The following FAM83F variants were observed in gnomAD, a reference collection of about 807,000 sequenced individuals.
FAM83F encodes the protein protein FAM83F.
Under a neutral mutation model 42.9 loss-of-function variants are expected in FAM83F, and 45 were observed. That is an observed-to-expected ratio of 1.05 (90% confidence interval 0.83 to 1.35). The LOEUF (loss-of-function observed/expected upper bound fraction) is 1.35. FAM83F is among the 40% of genes most tolerant of loss of function. The pLI is 0.00. For synonymous variants in FAM83F, 306 were observed against 298.3 expected, an observed-to-expected ratio of 1.03 and a Z score of -0.27; for missense variants, 617 against 695.9, an observed-to-expected ratio of 0.89 and a Z score of 1.28.
chr22:40,021,295 C>T lies in FAM83F; in HGVS notation c.785C>T (p.Thr262Ile). 1.3e-6 allele frequency: 2 copies of T among 1,540,170 alleles called. No individual in the cohort carries two copies. The highest frequency in any genetic ancestry group is 1.8e-6 in the Non-Finnish European group (2 of 1,137,932). Residue 262 changes from threonine (T) to isoleucine (I), a missense_variant, in exon 4 of 5, where the codon ACC (threonine) becomes ATC (isoleucine). Thr to Ile is a moderately conservative substitution (Grantham distance 89). Transcript: ENST00000333407. This position sits in a 1 kb window ranked among gnomAD's most constrained non-coding sequence, Gnocchi z 8.7. Reference sequence around the variant, plus strand: ...TTCTGTCCCCACGTTCCCAGGTTCACCTGGAGTTCCTCCCATGTGGACAGA... The same window carrying T: ...TTCTGTCCCCACGTTCCCAGGTTCATCTGGAGTTCCTCCCATGTGGACAGA... ...DKVATGSYRF[T>I]WSSSHVDRNL...
rs1569235034 is a variant in FAM83F at position 40,021,727 on chromosome 22, A to G, written c.1217A>G (p.His406Arg). 3 of 1,612,960 alleles carry G rather than the reference A, an allele frequency of 1.9e-6. No individual in the cohort carries two copies. Among genetic ancestry groups the G allele is most frequent in the South Asian group, 1.1e-5 (1 of 91,076 alleles). The change falls in exon 4 of 5, where the codon CAC (histidine) becomes CGC (arginine). Residue 406 changes from histidine to arginine, a missense_variant. Coordinates refer to ENST00000333407, the MANE Select transcript of FAM83F (RefSeq NM_138435.4). This position sits in a 1 kb window ranked among gnomAD's most constrained non-coding sequence, Gnocchi z 8.7. The stretch of plus-strand genomic sequence containing the variant: ...CAGAAGGATGGCAGGATGGTCTCTC[A>G]CATGCACAGAGACCTGAAGCCCAAA... ...LSQKDGRMVS[H>R]MHRDLKPKSR...
intron 1 of FAM83F, among the ~76,000 whole-genome samples, chr22:40,008,448 A>C (rs970856254): frequency 3.9e-5 from 6 of 152,340 alleles, no homozygotes; most frequent in African/African-American, 1.4e-4. Flanking sequence ...TTTAAAGCTC[A>C]GAACAGCCCT....
chr22:39,997,804 C>G (rs1427271138), intron 1 of FAM83F: 1 of 152,230 alleles, frequency 6.6e-6, no homozygotes, highest in Non-Finnish European at 1.5e-5. Flanking sequence ...CAACCACCCC[C>G]AAGGAAGCAA....
At chr22:40,004,074 C>G (rs984600977) in intron 1 of FAM83F, among the ~76,000 whole-genome samples, 1 of 151,932 alleles carries the variant, frequency 6.6e-6, no homozygotes, top group African/African-American at 2.4e-5. Flanking sequence ...CTCATTCACT[C>G]ACCATGTTTC....
At chr22:40,007,552 CCTCCTCTCCTCTCCTCCTCCT>C (rs2067441272) in intron 1 of FAM83F, among the ~76,000 whole-genome samples, 1 of 12,614 alleles carries the variant, frequency 7.9e-5, no homozygotes, top group Admixed American at 1.3e-3. Flanking sequence ...CTCCTCTCCT[CCTCCTCTCCTCTCCTCCTCCT>C]CTCCTCTCCT....
intron 1 of FAM83F, among the ~76,000 whole-genome samples, chr22:40,002,680 CCT>C (rs1249842351): frequency 6.6e-6 from 1 of 152,132 alleles, no homozygotes; most frequent in Non-Finnish European, 1.5e-5. Flanking sequence ...CTTTGCTGGG[CCT>C]CTGTTTCTGC....
rs914764265 is a variant in FAM83F, at chr22:40,021,133, C to T, written c.780-157C>T. ...CCAAGCTCTGGGGAAAGGGAGGCTA[C>T]GGGTGGGTGGAGGGAATCAGTCCAG... On this transcript the variant is annotated intron_variant, in intron 3 of 4. Coordinates refer to ENST00000333407, the MANE Select transcript of FAM83F (RefSeq NM_138435.4). The surrounding 1 kb of genome is among the most constrained non-coding windows in gnomAD (Gnocchi z 8.7). Among the ~76,000 whole-genome samples the T allele has an allele frequency of 1.9e-4, 29 of 152,146 alleles. No individual in the cohort carries two copies. The highest frequency in any genetic ancestry group is 1.5e-3 in the Admixed American group (23 of 15,274).
At chr22:40,020,159 C>G (rs927438204) in intron 3 of FAM83F, 151 bp downstream of exon 3, 55 of 1,127,866 alleles carry the variant, frequency 4.9e-5, no homozygotes, top group Non-Finnish European at 6.5e-5. Flanking sequence ...CCAGTCCCTT[C>G]CCTCAAACTT....
chr22:40,041,646 A>T lies in FAM83F; in HGVS notation c.*12081A>T, dbSNP rs949518314. The T allele has an allele frequency of 1.1e-4, 17 of 152,184 alleles. No individual in the cohort carries two copies. The highest frequency in any genetic ancestry group is 4.1e-4 in the African/African-American group (17 of 41,442). The allele number at this position is 152,184 out of a possible 1,614,324, so 9.4% of individuals were successfully genotyped here. ...CCATCCAAAGCCGCAGTTCTGGGTG[A>T]TGAGAGCTCTGAGAGCCCAGAAAAG... On this transcript the variant is annotated 3_prime_UTR_variant, in exon 5 of 5. Transcript: ENST00000333407.
In FAM83F at chr22:40,021,449, T is replaced by C; in HGVS notation, c.939T>C (p.His313=). 6.2e-7 allele frequency: 1 copy of C among 1,612,464 alleles called. No homozygotes were observed. The change falls in exon 4 of 5, where the codon CAT becomes CAC. Residue 313 remains histidine, a synonymous_variant. Coordinates refer to ENST00000333407, the MANE Select transcript of FAM83F (RefSeq NM_138435.4). This position sits in a 1 kb window ranked among gnomAD's most constrained non-coding sequence, Gnocchi z 8.7. ...GCCTGGCGGGCAGGGTTGGCCTCCA[T>C]TACTCCTCCACTGTGGCTCGAAAGC... ...QLSLAGRVGL[H]YSSTVARKLI...
At position 40,033,352 on chromosome 22, in the gene FAM83F, TGGGA is replaced by T. The variant is rs773212552; in HGVS notation, c.*3788_*3791del. On this transcript the variant is annotated 3_prime_UTR_variant, in exon 5 of 5. Coordinates refer to ENST00000333407, the MANE Select transcript of FAM83F (RefSeq NM_138435.4). ...TGCCTGCCTTGGCCTCCCAAACTGC[TGGGA>T]TTACAGGCATGAGCCACCACGCCCA... The T allele has an allele frequency of 1.2e-4, 19 of 152,454 alleles. 2 individuals are homozygous for T. The highest frequency in any genetic ancestry group is 9.8e-4 in the Admixed American group (15 of 15,306). 9.4% of individuals were successfully genotyped at this position (152,454 alleles called of 1,614,324 possible).
chr22:40,025,374 G>A (rs890368269), intron 4 of FAM83F, among the ~76,000 whole-genome samples: 1 of 152,034 alleles, frequency 6.6e-6, no homozygotes, highest in African/African-American at 2.4e-5. Context: ...AGCTGTGATT[G>A]TGCCACTGCA....
chr22:40,006,002 G>A (rs1044317525), intron 1 of FAM83F, among the ~76,000 whole-genome samples: 27 of 152,242 alleles, frequency 1.8e-4, no homozygotes, highest in African/African-American at 3.6e-4. Flanking sequence ...CACTGTGGGA[G>A]GCCGAGGCGG....
chr22:40,006,762 G>A (rs2067431376), intron 1 of FAM83F, among the ~76,000 whole-genome samples: 1 of 152,170 alleles, frequency 6.6e-6, no homozygotes, highest in Admixed American at 6.5e-5. Flanking sequence ...GGCAGAGTCC[G>A]GAGCCGCTGA....
rs1384674283 is a variant in FAM83F, at chr22:40,023,249, G to C, written c.1453+1286G>C. 6.6e-6 allele frequency among the ~76,000 whole-genome samples: 1 copy of C among 152,204 alleles called. No individual in the cohort carries two copies. The highest frequency in any genetic ancestry group is 2.4e-5 in the African/African-American group (1 of 41,462). On this transcript the variant is annotated intron_variant, in intron 4 of 4. Transcript: ENST00000333407. The surrounding 1 kb of genome is among the most constrained non-coding windows in gnomAD (Gnocchi z 4.1). Reference sequence around the variant, plus strand: ...GTCACAGGAAGTGGTAGTAAGGCCAGGATTCAAGACCAGGCATGGGCACAG... The same window carrying C: ...GTCACAGGAAGTGGTAGTAAGGCCACGATTCAAGACCAGGCATGGGCACAG...
rs1304428669 is a variant in FAM83F at position 40,021,800 on chromosome 22, G to A, written c.1290G>A (p.Gly430=). The change falls in exon 4 of 5, where the codon GGG becomes GGA. Residue 430 remains glycine (G), a synonymous_variant. Transcript: ENST00000333407. This position sits in a 1 kb window ranked among gnomAD's most constrained non-coding sequence, Gnocchi z 8.7. ...ACGGCATGGGAGAAGCGGCCCGGGG[G>A]GAGGCCGCCCCCGCCAGGCGCTTCA... ...SRNGMGEAAR[G]EAAPARRFSS... is the part of the protein sequence containing the mutation. The A allele has an allele frequency of 6.2e-7, 1 of 1,612,532 alleles. No homozygotes were observed. Among genetic ancestry groups the A allele is most frequent in the Non-Finnish European group, 8.5e-7 (1 of 1,179,702 alleles).
intron 1 of FAM83F, among the ~76,000 whole-genome samples, chr22:39,999,652 C>T (rs918199349): frequency 6.6e-6 from 1 of 152,212 alleles, no homozygotes; most frequent in Non-Finnish European, 1.5e-5. Flanking sequence ...TCCCCAGGTC[C>T]TTGGTTGGGA....
intron 1 of FAM83F, among the ~76,000 whole-genome samples, chr22:40,012,045 A>AT (rs1455443474): frequency 6.6e-6 from 1 of 151,856 alleles, no homozygotes; most frequent in Admixed American, 6.6e-5. Flanking sequence ...CAACTTTCTG[A>AT]TTTTTTGTTA....
chr22:40,020,037 C>G, intron 3 of FAM83F, 29 bp downstream of exon 3: 3 of 1,592,562 alleles, frequency 1.9e-6, no homozygotes, highest in Non-Finnish European at 2.6e-6. Flanking sequence ...AAGAAGGGCC[C>G]AGGAGGCCTT....
Sources: allele counts gnomAD v4.1 joint callset (sites outside exome capture counted in the v4.1 genomes callset), GRCh38; gene constraint gnomAD v4.1.1; non-coding constraint Gnocchi (gnomAD v3.1); transcripts MANE v1.5; gene names NCBI Gene and HGNC (gene_info 2026-07-23, HGNC 2026-07-21).